PCDHA13: variants seen among roughly 807,000 people sequenced by gnomAD.
PCDHA13 encodes the protein protocadherin alpha 13.
PCDHA13 carries 54 observed loss-of-function variants against 64.8 expected under a neutral mutation model. That is an observed-to-expected ratio of 0.83 (90% CI 0.67 to 1.04). The LOEUF (loss-of-function observed/expected upper bound fraction) is 1.04, where lower values mean the gene tolerates loss of function less well. Among genes scored for constraint, PCDHA13 ranks in the 50% least tolerant of loss-of-function variants. The pLI is 0.00. For synonymous variants in PCDHA13, 587 were observed against 564.4 expected, an observed-to-expected ratio of 1.04 and a Z score of -0.57; for missense variants, 1,248 against 1,254.3, an observed-to-expected ratio of 0.99 and a Z score of 0.08.
intron 1 of PCDHA13, among the ~76,000 whole-genome samples, chr5:140,933,444 A>T (rs1478759836): frequency 1.3e-5 from 2 of 152,184 alleles, no homozygotes; most frequent in African/African-American, 4.8e-5. Flanking sequence ...CTAATGACAT[A>T]CCTTCAAAAT....
chr5:140,928,513 A>AT (rs1563106002), intron 1 of PCDHA13: 1 of 1,614,182 alleles, frequency 6.2e-7, no homozygotes, highest in South Asian at 1.1e-5. Flanking sequence ...AACAGTGACT[A>AT]TAAACTTGTT....
chr5:140,953,938 C>T (rs1349031672), intron 1 of PCDHA13, among the ~76,000 whole-genome samples: 1 of 152,088 alleles, frequency 6.6e-6, no homozygotes, highest in African/African-American at 2.4e-5. Context: ...CTCTCCCTCC[C>T]ATTGCTCCCC....
Position 140,927,496 on chromosome 5 carries a change from G to C in PCDHA13, c.2394+42834G>C, listed in dbSNP as rs1206944698. On this transcript the variant is annotated intron_variant, in intron 1 of 3. Transcript: ENST00000289272. ...CGAACAGCGCGCCACCCACCTGCTG[G>C]TGCTTACAGCTCGGGACGGCGGGCT... The C allele has an allele frequency of 3.7e-6, 6 of 1,614,026 alleles. No homozygotes were observed. The highest frequency in any genetic ancestry group is 5.1e-6 in the Non-Finnish European group (6 of 1,180,054).
At chr5:140,904,116 T>C (rs1233566335) in intron 1 of PCDHA13, among the ~76,000 whole-genome samples, 3 of 152,180 alleles carry the variant, frequency 2.0e-5, no homozygotes, top group African/African-American at 7.2e-5. Context: ...TTGCTGAGAT[T>C]TTGGTGCACC....
intron 3 of PCDHA13, among the ~76,000 whole-genome samples, chr5:140,993,088 CTA>C (rs1420227988): frequency 6.6e-6 from 1 of 152,202 alleles, no homozygotes; most frequent in Non-Finnish European, 1.5e-5. Flanking sequence ...ATCAGCAGGG[CTA>C]TGTTTATTCA....
intron 1 of PCDHA13, among the ~76,000 whole-genome samples, chr5:140,901,883 C>G (rs1206318073): frequency 5.3e-5 from 8 of 152,038 alleles, no homozygotes; most frequent in Non-Finnish European, 1.0e-4. Flanking sequence ...CTTTCATCAG[C>G]ATTTTATATT....
intron 1 of PCDHA13, chr5:140,968,969 A>G (rs1554231287): frequency 1.9e-6 from 3 of 1,614,230 alleles, no homozygotes; most frequent in Non-Finnish European, 2.5e-6. Context: ...CTACCGCTAC[A>G]CTGCGTATGG....
chr5:140,884,428 G>T lies in PCDHA13; in HGVS notation c.2160G>T (p.Ala720=). Residue 720 remains alanine, a synonymous_variant, in exon 1 of 4, where the codon GCG becomes GCT. Coordinates refer to ENST00000289272, the MANE Select transcript of PCDHA13 (RefSeq NM_018904.3). The stretch of plus-strand genomic sequence containing the variant: ...TGCTCACGTTGCTGCTGTATACTGC[G>T]CTGCGGTGCTCGGCACCGCCCACCG... ...LLVLTLLLYT[A]LRCSAPPTEG... The T allele has an allele frequency of 6.2e-7, 1 of 1,613,962 alleles. No homozygotes were observed. Among genetic ancestry groups the T allele is most frequent in the East Asian group, 2.2e-5 (1 of 44,876 alleles).
intron 1 of PCDHA13, among the ~76,000 whole-genome samples, chr5:140,945,880 A>G (rs1210743057): frequency 6.6e-6 from 1 of 152,136 alleles, no homozygotes; most frequent in Non-Finnish European, 1.5e-5. Flanking sequence ...TAAAACTAAC[A>G]AAGAAAACAC....
At chr5:140,982,823 G>A (rs1187029355) in intron 3 of PCDHA13, among the ~76,000 whole-genome samples, 2 of 151,450 alleles carry the variant, frequency 1.3e-5, no homozygotes, top group South Asian at 2.1e-4. Context: ...GAAGTTTTTG[G>A]GGTTTGTTTG....
chr5:141,010,205 G>A lies in PCDHA13; in HGVS notation c.*268G>A, dbSNP rs1554262753. On this transcript the variant is annotated 3_prime_UTR_variant, in exon 4 of 4. Transcript: ENST00000289272. ...ACCCAAGTTTCCTTTCTCCTCCGCC[G>A]CAAAGGAGAGGCTTCCCAGCCCCGC... 4 of 1,551,732 alleles carry A rather than the reference G, an allele frequency of 2.6e-6. No homozygotes were observed. Among genetic ancestry groups the A allele is most frequent in the African/African-American group, 1.4e-5 (1 of 73,014 alleles).
chr5:141,009,557 C>T (rs782135260), intron 3 of PCDHA13, 70 bp from the exon 4 acceptor site: 38 of 1,565,272 alleles, frequency 2.4e-5, no homozygotes, highest in Non-Finnish European at 2.8e-5. Flanking sequence ...TACTCCTGTA[C>T]TCTACCAGCA....
intron 1 of PCDHA13, among the ~76,000 whole-genome samples, chr5:140,975,411 G>A (rs868983297): frequency 6.6e-6 from 1 of 152,236 alleles, no homozygotes; most frequent in African/African-American, 2.4e-5. Flanking sequence ...CAGTCTTGGA[G>A]ACTATTCAGG....
chr5:140,995,286 C>T (rs571122259), intron 3 of PCDHA13, among the ~76,000 whole-genome samples: 18 of 152,182 alleles, frequency 1.2e-4, no homozygotes, highest in African/African-American at 3.4e-4. Context: ...CCAAAACAGC[C>T]AGTCGGATAC....
intron 1 of PCDHA13, among the ~76,000 whole-genome samples, chr5:140,933,268 T>A (rs2088999959): frequency 6.6e-6 from 1 of 151,986 alleles, no homozygotes; most frequent in Non-Finnish European, 1.5e-5. Context: ...TTATTATATA[T>A]TCATTTGGAA....
At chr5:141,003,486 T>C (rs1563677160) in intron 3 of PCDHA13, among the ~76,000 whole-genome samples, 2 of 152,054 alleles carry the variant, frequency 1.3e-5, no homozygotes. Flanking sequence ...CTAATTTTTA[T>C]AGTTTTAGTA....
At chr5:140,906,124 G>A (rs1399975318) in intron 1 of PCDHA13, among the ~76,000 whole-genome samples, 2 of 151,992 alleles carry the variant, frequency 1.3e-5, no homozygotes, top group Non-Finnish European at 2.9e-5. Flanking sequence ...TGACACAAAT[G>A]TTAGTCTCCT....
chr5:140,955,468 T>C (rs1394591179), intron 1 of PCDHA13, among the ~76,000 whole-genome samples: 1 of 152,116 alleles, frequency 6.6e-6, no homozygotes, highest in Non-Finnish European at 1.5e-5. Context: ...TCCTTTTTGC[T>C]TGGCACCTCT....
chr5:140,904,225 T>A (rs782022279), intron 1 of PCDHA13, among the ~76,000 whole-genome samples: 5 of 152,020 alleles, frequency 3.3e-5, no homozygotes, highest in Non-Finnish European at 5.9e-5. Context: ...CATTGTATTA[T>A]ACTTATGCCT....
Sources: gnomAD v4.1 joint callset for allele counts (sites outside exome capture counted in the v4.1 genomes callset) on GRCh38, gnomAD v4.1.1 for gene constraint, MANE v1.5 for transcripts, NCBI Gene and HGNC (gene_info 2026-07-23, HGNC 2026-07-21) for gene names.